The following MGST2 variants were observed in gnomAD, a reference collection of about 807,000 sequenced individuals.
MGST2 encodes glutathione peroxidase MGST2.
Under a neutral mutation model 16.6 loss-of-function variants are expected in MGST2, and 9 were observed. The ratio of observed to expected loss-of-function variants is 0.54; its 90% confidence interval spans 0.33 to 0.95. MGST2 has a LOEUF of 0.95. MGST2 is among the 40% of genes least tolerant of loss of function. The pLI is 0.03. For synonymous variants in MGST2, 79 were observed against 68.0 expected (o/e 1.16, Z -0.79); for missense variants, 159 against 175.1 (o/e 0.91, Z 0.52).
the MGST2 span, among the ~76,000 whole-genome samples, chr4:139,747,779 C>T: frequency 5.9e-5 from 9 of 151,990 alleles, no homozygotes; most frequent in Admixed American, 2.6e-4. Context: ...ATAGGCTGGG[C>T]GTGGTGGCTC....
chr4:139,704,188 A>G lies in MGST2; in HGVS notation c.*40A>G, dbSNP rs1051012. 9.6e-5 allele frequency: 154 copies of G among 1,607,088 alleles called. 2 individuals are homozygous for G. The South Asian group carries it at 1.3e-3, about 13-fold the overall frequency. ...TTTAATACTTGCAGAAGCTGTTCCC[A>G]CCATGAAGGTAATATGGTATCATTT... On this transcript the variant is annotated 3_prime_UTR_variant, in exon 5 of 5. Transcript: ENST00000265498.
intron 2 of MGST2, among the ~76,000 whole-genome samples, chr4:139,691,380 C>T (rs1726570756): frequency 6.6e-6 from 1 of 152,186 alleles, no homozygotes; most frequent in African/African-American, 2.4e-5. Context: ...TAATTAGCCA[C>T]TGACAGGATT....
At chr4:139,731,891 C>T (rs1172367704) in intron 5 of MGST2, among the ~76,000 whole-genome samples, 1 of 152,054 alleles carries the variant, frequency 6.6e-6, no homozygotes, top group African/African-American at 2.4e-5. Context: ...GGTGTGTGGC[C>T]CAGATTCAAT....
At chr4:139,734,425 C>G (rs929864805) in intron 5 of MGST2, among the ~76,000 whole-genome samples, 1 of 152,208 alleles carries the variant, frequency 6.6e-6, no homozygotes, top group Non-Finnish European at 1.5e-5. Context: ...CTTGCTTCTC[C>G]CAAGAATCTT....
At chr4:139,725,805 G>A (rs777914326) in intron 5 of MGST2, 1 of 1,613,974 alleles carries the variant, frequency 6.2e-7, no homozygotes, top group Non-Finnish European at 8.5e-7. Context: ...GGCTGGAGGT[G>A]CTGCCGGGGT....
chr4:139,710,248 C>T (rs973398784), intron 5 of MGST2, among the ~76,000 whole-genome samples: 4 of 152,174 alleles, frequency 2.6e-5, no homozygotes, highest in Admixed American at 1.3e-4. Context: ...TGGAATGTTC[C>T]TTAATCACCA....
intron 1 of MGST2, among the ~76,000 whole-genome samples, 156 bp from the exon 2 acceptor site, chr4:139,678,387 A>ATCC (rs1731069587): frequency 6.6e-6 from 1 of 152,156 alleles, no homozygotes; most frequent in East Asian, 1.9e-4. Flanking sequence ...TTGCTCTCAT[A>ATCC]TCCTCTCCTG....
intron 5 of MGST2, among the ~76,000 whole-genome samples, chr4:139,739,437 G>A (rs184372176): frequency 9.2e-5 from 14 of 152,306 alleles, no homozygotes; most frequent in African/African-American, 3.4e-4. Context: ...CTTTTCGTCT[G>A]CCTTTGATGT....
At chr4:139,745,104 T>C (rs1729278226), downstream of MGST2, among the ~76,000 whole-genome samples, 1 of 152,234 alleles carries the variant, frequency 6.6e-6, no homozygotes, top group Admixed American at 6.5e-5. Flanking sequence ...AGAGCCTTGA[T>C]GGAAGTGTAG....
chr4:139,683,970 G>A (rs986787565), intron 2 of MGST2, among the ~76,000 whole-genome samples: 1 of 145,972 alleles, frequency 6.9e-6, no homozygotes, highest in African/African-American at 2.6e-5. Context: ...TGTCACCCAG[G>A]CTGGAGTGCA....
intron 5 of MGST2, among the ~76,000 whole-genome samples, chr4:139,738,838 GT>G (rs1729054169): frequency 1.3e-5 from 2 of 152,210 alleles, no homozygotes; most frequent in Admixed American, 1.3e-4. Context: ...TTTCCTCCTA[GT>G]TTTATCCCAG....
chr4:139,700,939 A>T (rs979006826), intron 3 of MGST2, among the ~76,000 whole-genome samples: 1 of 152,238 alleles, frequency 6.6e-6, no homozygotes, highest in Non-Finnish European at 1.5e-5. Flanking sequence ...AGGCAACCCC[A>T]TCACTCTCTT....
At position 139,704,187 on chromosome 4, in the gene MGST2, C is replaced by T. The variant is rs745524638; in HGVS notation, c.*39C>T. On this transcript the variant is annotated 3_prime_UTR_variant, in exon 5 of 5. Coordinates refer to ENST00000265498, the MANE Select transcript of MGST2 (RefSeq NM_002413.5). The stretch of plus-strand genomic sequence containing the variant: ...CTTTAATACTTGCAGAAGCTGTTCC[C>T]ACCATGAAGGTAATATGGTATCATT... The T allele has an allele frequency of 2.5e-6, 4 of 1,608,584 alleles. No homozygotes were observed. Among genetic ancestry groups the T allele is most frequent in the Non-Finnish European group, 3.4e-6 (4 of 1,175,114 alleles).
chr4:139,720,339 G>C lies in MGST2; in HGVS notation c.*48+16143G>C, dbSNP rs1330776322. 4 of 1,513,080 alleles carry C rather than the reference G, an allele frequency of 2.6e-6. No homozygotes were observed. The East Asian group carries it at 6.8e-5, about 26-fold the overall frequency. 93.7% of individuals were successfully genotyped at this position (1,513,080 alleles called of 1,614,324 possible). On this transcript the variant is annotated intron_variant, in intron 5 of 5. Coordinates refer to the MGST2 transcript ENST00000616265. ...TGGGGAGAACCTGCAGTGAAAAAGA[G>C]GACACATACCACTCACTCTTCTCCA...
the MGST2 span, among the ~76,000 whole-genome samples, chr4:139,753,346 ATCT>A: frequency 4.2e-5 from 5 of 119,836 alleles, no homozygotes; most frequent in Admixed American, 3.9e-4. Flanking sequence ...TTTTTAATCT[ATCT>A]ATCTATCTAT....
intron 5 of MGST2, among the ~76,000 whole-genome samples, chr4:139,726,586 G>A (rs936314709): frequency 6.6e-6 from 1 of 150,932 alleles, no homozygotes; most frequent in African/African-American, 2.4e-5. Context: ...CTAAGTGGAT[G>A]CTTTGGGCAT....
At chr4:139,686,169 G>C (rs1731552821) in intron 2 of MGST2, among the ~76,000 whole-genome samples, 1 of 152,186 alleles carries the variant, frequency 6.6e-6, no homozygotes, top group South Asian at 2.1e-4. Context: ...GGTGGGGTGG[G>C]AGCAGGGGGC....
At chr4:139,751,578 A>G in the MGST2 span, among the ~76,000 whole-genome samples, 19 of 152,142 alleles carry the variant, frequency 1.2e-4, no homozygotes, top group African/African-American at 4.3e-4. Flanking sequence ...ATTTTGGAGG[A>G]TTTTGGATTT....
chr4:139,705,177 C>T (rs989582329), downstream of MGST2, among the ~76,000 whole-genome samples: 6 of 152,092 alleles, frequency 3.9e-5, no homozygotes, highest in South Asian at 2.1e-4. Context: ...CCACTCTGCC[C>T]GGGCAACAAA....
Sources: gnomAD v4.1 joint callset for allele counts (sites outside exome capture counted in the v4.1 genomes callset) on GRCh38, gnomAD v4.1.1 for gene constraint, MANE v1.5 for transcripts, NCBI Gene and HGNC (gene_info 2026-07-23, HGNC 2026-07-21) for gene names.